Variants in GNE observed in about 807,000 individuals in gnomAD.
The protein encoded by GNE is bifunctional UDP-N-acetylglucosamine 2-epimerase/N-acetylmannosamine kinase.
A neutral mutation model predicts 61.8 loss-of-function variants in GNE; 41 were observed. The observed-to-expected ratio is 0.66, with a 90% CI of 0.52 to 0.86. The LOEUF (loss-of-function observed/expected upper bound fraction) is 0.86, where lower values mean the gene tolerates loss of function less well. Ranked by LOEUF, GNE falls within the 40% of genes least tolerant of loss-of-function variation. The pLI is 0.00. For missense variants in GNE, 608 were observed against 909.1 expected (o/e 0.67, Z 4.26); for synonymous variants, 264 against 326.4 (o/e 0.81, Z 2.06).
At position 36,215,330 on chromosome 9, in the gene GNE, T is replaced by TGTCA. The variant is rs1419233314; in HGVS notation, c.*2031_*2034dup. ...ACCCGTCTCAAAAAAATAGAACACC[T>TGTCA]GTCACTAGACCAAATACTATACTGG... On this transcript the variant is annotated 3_prime_UTR_variant, in exon 12 of 12. Coordinates refer to ENST00000642385, the MANE Select transcript of GNE (RefSeq NM_005476.7). The TGTCA allele has an allele frequency of 6.6e-6, 1 of 152,164 alleles. No individual in the cohort carries two copies. The highest frequency in any genetic ancestry group is 1.5e-5 in the Non-Finnish European group (1 of 68,030). 9.4% of individuals were successfully genotyped at this position (152,164 alleles called of 1,614,324 possible).
rs1273335048 is a variant in GNE at position 36,274,115 on chromosome 9, T to TGTGAGA, written c.51+2778_51+2779insTCTCAC. 9.2e-4 allele frequency among the ~76,000 whole-genome samples: 133 copies of TGTGAGA among 144,692 alleles called. 1 individual carries two copies. The highest frequency in any genetic ancestry group is 3.0e-3 in the African/African-American group (116 of 39,050). The allele number at this position is 144,692 out of a possible 152,430, so 94.9% of individuals were successfully genotyped here. ...GTGTGTGTGTGTGTGTGTGTGTGTG[T>TGTGAGA]GACAGGGTCTTACTCTATCACCCAG... is the stretch of plus-strand genomic sequence containing the variant. On this transcript the variant is annotated intron_variant, in intron 1 of 11. Transcript: ENST00000396594.
intron 1 of GNE, among the ~76,000 whole-genome samples, chr9:36,253,325 G>C (rs866495679): frequency 2.7e-5 from 4 of 150,148 alleles, no homozygotes; most frequent in South Asian, 2.1e-4. Flanking sequence ...GCCCAGGCTA[G>C]AGTGCAGTGA....
At position 36,218,289 on chromosome 9, in the gene GNE, G is replaced by A; in HGVS notation, c.1827C>T (p.Leu609=). The A allele has an allele frequency of 6.2e-7, 1 of 1,612,870 alleles. No homozygotes were observed. Among genetic ancestry groups the A allele is most frequent in the Non-Finnish European group, 8.5e-7 (1 of 1,178,838 alleles). Residue 609 remains leucine, a synonymous_variant, in exon 11 of 12, where the codon CTC becomes CTT. Transcript: ENST00000642385. This position sits in a 1 kb window ranked among gnomAD's most constrained non-coding sequence, Gnocchi z 4.1. The part of the protein sequence containing the change: ...EAKKLHDEDL[L]LVEGMSVPKD... Reference sequence around the variant, plus strand: ...TTGGCACTGACATCCCTTCCACCAAGAGCAGGTCCTCTGAACAGAGTGAGA... The same window carrying A: ...TTGGCACTGACATCCCTTCCACCAAAAGCAGGTCCTCTGAACAGAGTGAGA...
rs202137023 is a variant in GNE, at chr9:36,233,673, A to C, written c.982+247T>G. Among the ~76,000 whole-genome samples, 17,066 of 152,240 alleles carry C rather than the reference A, an allele frequency of 0.11. 1,060 individuals carry two copies. The highest frequency in any genetic ancestry group is 0.15 in the Non-Finnish European group (10,252 of 68,002). The stretch of plus-strand genomic sequence containing the variant: ...CAGAGCGAGACTCCATCTCAAAAAA[A>C]AAAAAAGAAAGAACCACTTAGTGCT... On this transcript the variant is annotated intron_variant, in intron 5 of 11. Transcript: ENST00000642385.
chr9:36,219,737 G>A, intron 10 of GNE, 101 bp downstream of exon 10: 1 of 1,070,736 alleles, frequency 9.3e-7, no homozygotes, highest in Admixed American at 1.7e-5. Flanking sequence ...AGTGAAAAGG[G>A]GGAAACTTCT....
Position 36,222,652 on chromosome 9 carries a change from C to G in GNE, c.1633+125G>C, listed in dbSNP as rs10972795. On this transcript the variant is annotated intron_variant, in intron 9 of 11. Coordinates refer to ENST00000642385, the MANE Select transcript of GNE (RefSeq NM_005476.7). ...TGCTCAGAAAAGGCCACATGTGGCT[C>G]ACCTTCAGGCTCTAGTCATGCAGGA... The G allele has an allele frequency of 0.089, 70,872 of 798,674 alleles. 4,597 individuals are homozygous for G. The highest frequency in any genetic ancestry group is 0.19 in the South Asian group (14,280 of 73,864). 49.5% of individuals were successfully genotyped at this position (798,674 alleles called of 1,614,324 possible).
chr9:36,258,351 G>C lies in GNE; in HGVS notation c.-73C>G. On this transcript the variant is annotated 5_prime_UTR_variant, in exon 1 of 12. Transcript: ENST00000642385. ...GCCGTCAGAGGCTCCCTCCCACGCC[G>C]CCACCGCGCTCCTCGGGCGAGGGAC... 1.0e-6 allele frequency: 1 copy of C among 985,514 alleles called. No individual in the cohort carries two copies. The allele number at this position is 985,514 out of a possible 1,614,324, so 61.0% of individuals were successfully genotyped here.
rs769215411 is a variant in GNE, at chr9:36,246,163, G to A, written c.484C>T (p.Arg162Cys). The A allele has an allele frequency of 9.9e-6, 16 of 1,613,540 alleles. No individual in the cohort carries two copies. Among genetic ancestry groups the A allele is most frequent in the Non-Finnish European group, 1.4e-5 (16 of 1,179,426 alleles). The change falls in exon 3 of 12, where the codon CGC (arginine) becomes TGC (cysteine). Residue 162 changes from arginine (R) to cysteine (C), a missense_variant. Coordinates refer to ENST00000642385, the MANE Select transcript of GNE (RefSeq NM_005476.7). ...KLAHYHVCCT[R>C]SAEQHLISMC... ...GATATCAGGTGCTGCTCTGCACTGC[G>A]GGTGCAGCACACATGATAATGAGCC...
Position 36,217,438 on chromosome 9 carries a change from G to A in GNE, c.2096C>T (p.Ser699Leu), listed in dbSNP as rs552758282. 8.1e-6 allele frequency: 13 copies of A among 1,614,116 alleles called. No homozygotes were observed. Among genetic ancestry groups the A allele is most frequent in the Admixed American group, 1.7e-5 (1 of 60,012 alleles). ...CAGCAGGGCGGGGTCAACCAAATCC[G>A]AAACCACCACATCCACGTCCTGCAC... is the stretch of plus-strand genomic sequence containing the variant. ...SSVQDVDVVV[S>L]DLVDPALLGA... The change falls in exon 12 of 12, where the codon TCG becomes TTG. Residue 699 changes from serine to leucine, a missense_variant. Physicochemically the swap from Ser to Leu is moderately radical, Grantham distance 145. Transcript: ENST00000642385.
chr9:36,249,272 G>A lies in GNE; in HGVS notation c.84C>T (p.Ile28=). 5.0e-6 allele frequency: 8 copies of A among 1,614,130 alleles called. No individual in the cohort carries two copies. Among genetic ancestry groups the A allele is most frequent in the Non-Finnish European group, 6.8e-6 (8 of 1,179,986 alleles). The change falls in exon 2 of 12, where the codon ATC becomes ATT. Residue 28 remains isoleucine, a synonymous_variant. Transcript: ENST00000642385. ...NRADYSKLAP[I]MFGIKTEPEF... ...CAGGTTCGGTTTTAATGCCAAACAT[G>A]ATCGGGGCAAGTTTAGAATAATCTG... is the stretch of plus-strand genomic sequence containing the variant.
Position 36,214,715 on chromosome 9 carries a change from T to C in GNE, c.*2650A>G, listed in dbSNP as rs764001643. The C allele has an allele frequency of 1.3e-5, 2 of 152,180 alleles. No individual in the cohort carries two copies. The highest frequency in any genetic ancestry group is 2.1e-4 in the South Asian group (1 of 4,832). 9.4% of individuals were successfully genotyped at this position (152,180 alleles called of 1,614,324 possible). A position where few individuals can be genotyped will look rare whatever the true frequency, so the allele number is the denominator to read the frequency against. Reference sequence around the variant, plus strand: ...ATGAGAGATTACACCAAAGAACAGATGTCCCTTCCCAGAACATTATCTCAC... The same window carrying C: ...ATGAGAGATTACACCAAAGAACAGACGTCCCTTCCCAGAACATTATCTCAC... On this transcript the variant is annotated 3_prime_UTR_variant, in exon 12 of 12. Transcript: ENST00000642385.
rs1197964125 is a variant in GNE at position 36,215,931 on chromosome 9, C to T, written c.*1434G>A. 1 of 197,632 alleles carries T rather than the reference C, an allele frequency of 5.1e-6. No homozygotes were observed. Among genetic ancestry groups the T allele is most frequent in the East Asian group, 1.4e-4 (1 of 7,106 alleles). The allele number at this position is 197,632 out of a possible 1,614,324, so 12.2% of individuals were successfully genotyped here. ...TGTCTGCTGGTCAGTAGCAAAGATC[C>T]TTTTGGGACAGTTAATCTCCTTTTA... On this transcript the variant is annotated 3_prime_UTR_variant, in exon 12 of 12. Coordinates refer to ENST00000642385, the MANE Select transcript of GNE (RefSeq NM_005476.7).
At chr9:36,256,997 TG>T (rs1033216072) in intron 1 of GNE, among the ~76,000 whole-genome samples, 16 of 151,874 alleles carry the variant, frequency 1.1e-4, no homozygotes, top group African/African-American at 3.9e-4. Context: ...ACTTGATGTC[TG>T]TTCAAGTCCA....
intron 10 of GNE, among the ~76,000 whole-genome samples, chr9:36,219,128 T>C (rs1449934738): frequency 2.0e-5 from 3 of 152,100 alleles, no homozygotes; most frequent in Non-Finnish European, 2.9e-5. Context: ...CTGACTGCGC[T>C]TTTCTATACC....
At chr9:36,231,844 C>G (rs1304923117) in intron 5 of GNE, among the ~76,000 whole-genome samples, 1 of 152,182 alleles carries the variant, frequency 6.6e-6, no homozygotes, top group Non-Finnish European at 1.5e-5. Flanking sequence ...CTTCCTGGAA[C>G]TATCTAGCTG....
intron 1 of GNE, among the ~76,000 whole-genome samples, chr9:36,274,720 C>CT (rs1195507916): frequency 0.02 from 2,825 of 143,926 alleles, 42 homozygotes; most frequent in Non-Finnish European, 0.028. Flanking sequence ...GTTTCACATT[C>CT]TTTTTTTTTT....
At chr9:36,265,120 T>TC in intron 1 of GNE, 1 of 287,892 alleles carries the variant, frequency 3.5e-6, no homozygotes, top group East Asian at 8.4e-5. Flanking sequence ...CCACTGCTGC[T>TC]CCCGATCGGG....
chr9:36,269,846 G>A (rs1408727026), intron 1 of GNE, among the ~76,000 whole-genome samples: 9 of 152,082 alleles, frequency 5.9e-5, no homozygotes, highest in African/African-American at 1.9e-4. Flanking sequence ...ATTTTTAGTA[G>A]AGACGGGGTT....
Position 36,274,068 on chromosome 9 carries a change from C to CTGTGTG in GNE, c.51+2820_51+2825dup, listed in dbSNP as rs71336439. On this transcript the variant is annotated intron_variant, in intron 1 of 11. Coordinates refer to the GNE transcript ENST00000396594. ...AACCCAGGTGCTTCGGTCTATGGTA[C>CTGTGTG]TGTGTGTGTGTGTGTGTGTGTGTGT... is the stretch of plus-strand genomic sequence containing the variant. Among the ~76,000 whole-genome samples, 648 of 142,316 alleles carry CTGTGTG rather than the reference C, an allele frequency of 4.6e-3. 3 individuals are homozygous for CTGTGTG. The highest frequency in any genetic ancestry group is 0.012 in the African/African-American group (449 of 37,546). The allele number at this position is 142,316 out of a possible 152,430, so 93.4% of individuals were successfully genotyped here.
Sources: allele counts gnomAD v4.1 joint callset (sites outside exome capture counted in the v4.1 genomes callset), GRCh38; gene constraint gnomAD v4.1.1; non-coding constraint Gnocchi (gnomAD v3.1); transcripts MANE v1.5; gene names NCBI Gene and HGNC (gene_info 2026-07-23, HGNC 2026-07-21).